Variants in RAD51B observed in about 807,000 individuals in gnomAD.
RAD51B encodes RAD51 paralog B, also known as DNA repair protein RAD51 homolog 2.
RAD51B carries 38 observed loss-of-function variants against 42.2 expected under a neutral mutation model. The observed-to-expected ratio is 0.90, with a 90% confidence interval of 0.70 to 1.18. The LOEUF (loss-of-function observed/expected upper bound fraction) is 1.18, where lower values mean the gene tolerates loss of function less well. Ranked by LOEUF, RAD51B falls within the 50% of genes most tolerant of loss-of-function variation. The pLI is 0.00. For synonymous variants in RAD51B, 154 were observed against 145.2 expected (o/e 1.06, Z -0.43); for missense variants, 373 against 400.7 (o/e 0.93, Z 0.59).
At chr14:67,999,650 A>G (rs990235742) in intron 7 of RAD51B, among the ~76,000 whole-genome samples, 11 of 152,240 alleles carry the variant, frequency 7.2e-5, no homozygotes, top group African/African-American at 2.4e-4. Flanking sequence ...AGTACGTTAT[A>G]GGACTTCTGA....
At chr14:68,104,105 A>C (rs1423090965) in intron 7 of RAD51B, among the ~76,000 whole-genome samples, 3 of 152,220 alleles carry the variant, frequency 2.0e-5, no homozygotes, top group South Asian at 4.1e-4. Context: ...AACAACGTAC[A>C]CAGAGTGAGA....
At chr14:68,485,740 C>G (rs1338840349) in intron 10 of RAD51B, among the ~76,000 whole-genome samples, 1 of 152,164 alleles carries the variant, frequency 6.6e-6, no homozygotes, top group East Asian at 1.9e-4. Flanking sequence ...CTAAGAAGTC[C>G]CAAATAACTT....
chr14:68,386,158 G>A (rs3950069), intron 8 of RAD51B, among the ~76,000 whole-genome samples: 68,123 of 151,980 alleles, frequency 0.45, 16,954 homozygotes, highest in Admixed American at 0.59. Context: ...TGGGCACTTT[G>A]AGATAAAAGC....
intron 8 of RAD51B, among the ~76,000 whole-genome samples, chr14:68,371,370 T>C (rs1054731317): frequency 6.6e-6 from 1 of 151,944 alleles, no homozygotes; most frequent in African/African-American, 2.4e-5. Flanking sequence ...TACCAAAAAT[T>C]AGCTGGGCGT....
At chr14:68,329,701 G>A (rs1157986610) in intron 8 of RAD51B, among the ~76,000 whole-genome samples, 1 of 151,916 alleles carries the variant, frequency 6.6e-6, no homozygotes, top group Non-Finnish European at 1.5e-5. Flanking sequence ...TATTTTTTGG[G>A]CCGGGCCCGG....
At chr14:68,552,632 A>AT (rs887755106) in intron 10 of RAD51B, among the ~76,000 whole-genome samples, 3 of 152,294 alleles carry the variant, frequency 2.0e-5, no homozygotes, top group Admixed American at 6.5e-5. Flanking sequence ...TAATCATAGT[A>AT]TTTTTTTAAA....
intron 7 of RAD51B, among the ~76,000 whole-genome samples, chr14:68,079,895 G>A (rs2076888033): frequency 6.6e-6 from 1 of 152,134 alleles, no homozygotes; most frequent in Admixed American, 6.5e-5. Context: ...GAAGTCAAAG[G>A]TCATGTCTTT....
At chr14:67,836,949 G>A (rs2041263949) in intron 4 of RAD51B, among the ~76,000 whole-genome samples, 1 of 152,120 alleles carries the variant, frequency 6.6e-6, no homozygotes, top group Non-Finnish European at 1.5e-5. Context: ...AACAAGAACA[G>A]ATTATTTTCT....
intron 8 of RAD51B, among the ~76,000 whole-genome samples, chr14:68,307,474 C>T (rs1432582583): frequency 6.6e-6 from 1 of 152,142 alleles, no homozygotes; most frequent in Non-Finnish European, 1.5e-5. Flanking sequence ...TGGAGTCTTT[C>T]AGCTGCCTTG....
chr14:67,971,868 G>A (rs954405034), intron 7 of RAD51B, among the ~76,000 whole-genome samples: 1 of 151,690 alleles, frequency 6.6e-6, no homozygotes, highest in Non-Finnish European at 1.5e-5. Context: ...TATAATTTTA[G>A]ATTTATTGAG....
At chr14:67,914,073 C>A (rs1339219328) in intron 7 of RAD51B, among the ~76,000 whole-genome samples, 1 of 151,946 alleles carries the variant, frequency 6.6e-6, no homozygotes, top group African/African-American at 2.4e-5. Flanking sequence ...ACCTCCGCCT[C>A]CCATTTTCAA....
At chr14:68,077,411 C>G (rs563894231) in intron 7 of RAD51B, among the ~76,000 whole-genome samples, 1 of 152,244 alleles carries the variant, frequency 6.6e-6, no homozygotes, top group African/African-American at 2.4e-5. Context: ...AATCATCCTG[C>G]TTAGGTTTTA....
intron 7 of RAD51B, among the ~76,000 whole-genome samples, chr14:67,971,555 G>T (rs562474563): frequency 6.6e-6 from 1 of 152,030 alleles, no homozygotes; most frequent in South Asian, 2.1e-4. Context: ...AATAAAGACA[G>T]TTTAATAGTA....
At chr14:68,668,726 C>T (rs956165776) in intron 11 of RAD51B, among the ~76,000 whole-genome samples, 5 of 152,202 alleles carry the variant, frequency 3.3e-5, no homozygotes, top group African/African-American at 1.2e-4. Flanking sequence ...GGCTGTTCTC[C>T]TGCACCCCCA....
At chr14:68,151,835 T>TC (rs2078392202) in intron 7 of RAD51B, among the ~76,000 whole-genome samples, 3 of 8,118 alleles carry the variant, frequency 3.7e-4, no homozygotes, top group African/African-American at 1.1e-3. Context: ...TTTTTTTTTT[T>TC]TTTTTTTTTT....
At chr14:68,095,623 A>G (rs968398328) in intron 7 of RAD51B, among the ~76,000 whole-genome samples, 2 of 151,970 alleles carry the variant, frequency 1.3e-5, no homozygotes, top group African/African-American at 4.8e-5. Flanking sequence ...CCAATACCAT[A>G]GTAGCACTTT....
At chr14:68,450,029 A>C (rs2040718345) in intron 9 of RAD51B, among the ~76,000 whole-genome samples, 1 of 152,064 alleles carries the variant, frequency 6.6e-6, no homozygotes, top group Non-Finnish European at 1.5e-5. Flanking sequence ...GTTATTTAAG[A>C]TGGGTACCCT....
chr14:68,085,345 G>A lies in RAD51B; in HGVS notation c.756+198141G>A, dbSNP rs981439982. 2.2e-4 allele frequency among the ~76,000 whole-genome samples: 34 copies of A among 152,258 alleles called. 1 individual carries two copies. Among genetic ancestry groups the A allele is most frequent in the Admixed American group, 1.8e-3 (27 of 15,278 alleles). ...AGCTAGTTTAATTGAAATCAAGGAA[G>A]TAGATAACATTATCCAAGGAGAATG... On this transcript the variant is annotated intron_variant, in intron 7 of 10. Transcript: ENST00000471583.
intron 7 of RAD51B, among the ~76,000 whole-genome samples, chr14:68,177,328 CATGT>C: frequency 6.6e-6 from 1 of 152,218 alleles, no homozygotes; most frequent in African/African-American, 2.4e-5. Context: ...GGTGTGCATG[CATGT>C]GTGTATGTTT....
Sources: allele counts gnomAD v4.1 joint callset (sites outside exome capture counted in the v4.1 genomes callset), GRCh38; gene constraint gnomAD v4.1.1; transcripts MANE v1.5; gene names NCBI Gene and HGNC (gene_info 2026-07-23, HGNC 2026-07-21).